Variants in EPB41L5 observed in about 807,000 individuals in gnomAD.
EPB41L5 encodes the protein erythrocyte membrane protein band 4.1 like 5.
Under a neutral mutation model 106.6 loss-of-function variants are expected in EPB41L5, and 55 were observed. That is an observed-to-expected ratio of 0.52 (90% CI 0.42 to 0.65). EPB41L5 has a LOEUF of 0.65. EPB41L5 is among the 30% of genes least tolerant of loss of function. EPB41L5 has a pLI of 0.00. For missense variants in EPB41L5, 871 were observed against 882.1 expected, an observed-to-expected ratio of 0.99 and a Z score of 0.16; for synonymous variants, 297 against 306.7, an observed-to-expected ratio of 0.97 and a Z score of 0.33.
At chr2:120,047,679 C>T (rs1167425479) in intron 3 of EPB41L5, among the ~76,000 whole-genome samples, 2 of 152,132 alleles carry the variant, frequency 1.3e-5, no homozygotes, top group African/African-American at 4.8e-5. Context: ...ATTGCCCTGG[C>T]CAGAACTTCC....
chr2:120,050,787 T>G (rs2105245601), intron 3 of EPB41L5, among the ~76,000 whole-genome samples: 1 of 152,304 alleles, frequency 6.6e-6, no homozygotes, highest in South Asian at 2.1e-4. Flanking sequence ...ATCTTTGTGG[T>G]TTTATCTACC....
At chr2:120,135,734 G>A (rs565092621) in intron 18 of EPB41L5, among the ~76,000 whole-genome samples, 16 of 152,186 alleles carry the variant, frequency 1.1e-4, no homozygotes, top group African/African-American at 3.9e-4. Flanking sequence ...TCCTAAAATA[G>A]TATATCCATG....
chr2:120,024,806 T>C (rs1222304014), intron 2 of EPB41L5, among the ~76,000 whole-genome samples: 1 of 152,094 alleles, frequency 6.6e-6, no homozygotes, highest in African/African-American at 2.4e-5. Flanking sequence ...TGGATTACGT[T>C]TATTGATTTG....
At chr2:120,172,661 A>AAGAT (rs937450679) in intron 24 of EPB41L5, among the ~76,000 whole-genome samples, 2 of 152,186 alleles carry the variant, frequency 1.3e-5, no homozygotes, top group African/African-American at 4.8e-5. Flanking sequence ...TCTAAAGTGG[A>AAGAT]AGATATGTTC....
At chr2:120,049,182 A>G (rs1006629038) in intron 3 of EPB41L5, among the ~76,000 whole-genome samples, 2 of 152,134 alleles carry the variant, frequency 1.3e-5, no homozygotes, top group East Asian at 1.9e-4. Flanking sequence ...TTAGGTCTGC[A>G]TGGTGCAGAG....
At chr2:120,063,981 A>G (rs1436775479) in intron 3 of EPB41L5, among the ~76,000 whole-genome samples, 1 of 151,984 alleles carries the variant, frequency 6.6e-6, no homozygotes, top group Non-Finnish European at 1.5e-5. Flanking sequence ...TCCTTAGAGC[A>G]TGCTAATAAT....
intron 3 of EPB41L5, among the ~76,000 whole-genome samples, chr2:120,071,233 G>T (rs529814134): frequency 6.6e-6 from 1 of 152,126 alleles, no homozygotes; most frequent in Non-Finnish European, 1.5e-5. Flanking sequence ...ATTCACAATT[G>T]CTACAAAGAG....
chr2:120,031,362 G>A (rs564883960), intron 2 of EPB41L5, among the ~76,000 whole-genome samples: 24 of 152,302 alleles, frequency 1.6e-4, no homozygotes, highest in African/African-American at 5.8e-4. Context: ...ACAATACCTT[G>A]ATGAACTTAA....
At chr2:120,050,971 T>C (rs1409556109) in intron 3 of EPB41L5, among the ~76,000 whole-genome samples, 1 of 152,148 alleles carries the variant, frequency 6.6e-6, no homozygotes, top group African/African-American at 2.4e-5. Context: ...TGCAGAACAG[T>C]GAATATTGCT....
In EPB41L5 at chr2:120,076,962, T is replaced by C. The variant is rs190163501; in HGVS notation, c.506-9T>C. ...AAATACATATAACTTTTGAAACTTA[T>C]GTTTATAGCTGAACTTGGTGACTAT... On this transcript the variant is annotated splice_polypyrimidine_tract_variant and intron_variant, in intron 7 of 24. Transcript: ENST00000263713. 7.8e-5 allele frequency: 123 copies of C among 1,576,986 alleles called. 1 individual carries two copies. The East Asian group carries it at 1.2e-3, about 16-fold the overall frequency.
chr2:120,114,329 T>C lies in EPB41L5; in HGVS notation c.1338-13359T>C, dbSNP rs1242871302. Among the ~76,000 whole-genome samples, 4 of 152,234 alleles carry C rather than the reference T, an allele frequency of 2.6e-5. No individual in the cohort carries two copies. In the East Asian group the frequency reaches 7.7e-4, roughly 29 times the overall value. On this transcript the variant is annotated intron_variant, in intron 16 of 24. Transcript: ENST00000263713. Reference sequence around the variant, plus strand: ...TGATGGTGTGAAACTGTTGTAATTTTGACATAATGTTGAAATTTGAATTTT... The same window carrying C: ...TGATGGTGTGAAACTGTTGTAATTTCGACATAATGTTGAAATTTGAATTTT...
chr2:120,118,561 C>T (rs1319007801), intron 16 of EPB41L5, among the ~76,000 whole-genome samples: 7 of 151,990 alleles, frequency 4.6e-5, no homozygotes, highest in African/African-American at 1.5e-4. Context: ...TCCTTGTGTC[C>T]GTGTGTTTGC....
intron 16 of EPB41L5, among the ~76,000 whole-genome samples, chr2:120,109,276 A>G (rs1246331076): frequency 3.9e-5 from 6 of 152,146 alleles, no homozygotes; most frequent in South Asian, 2.1e-4. Context: ...TGAGCCTTCA[A>G]TGCTCCCTGA....
In EPB41L5 at chr2:120,160,958, G is replaced by A; in HGVS notation, c.1871G>A (p.Ser624Asn). 6.2e-7 allele frequency: 1 copy of A among 1,613,716 alleles called. No homozygotes were observed. Among genetic ancestry groups the A allele is most frequent in the Middle Eastern group, 1.6e-4 (1 of 6,062 alleles). The stretch of plus-strand genomic sequence containing the variant: ...CTGATGCTTATCACACCTGCCGACA[G>A]TGGTTCTGTTCTAAAGGTAAGAATA... ...ETLMLITPAD[S>N]GSVLKEATDE... is the part of the protein sequence containing the mutation. Residue 624 changes from serine (S) to asparagine (N), a missense_variant, in exon 21 of 25, where the codon AGT becomes AAT. Coordinates refer to ENST00000263713, the MANE Select transcript of EPB41L5 (RefSeq NM_020909.4).
intron 2 of EPB41L5, among the ~76,000 whole-genome samples, chr2:120,037,711 A>G (rs760181114): frequency 1.5e-4 from 23 of 152,204 alleles, no homozygotes; most frequent in Non-Finnish European, 2.4e-4. Flanking sequence ...GACCAATGGA[A>G]TAGAATAGAG....
intron 10 of EPB41L5, among the ~76,000 whole-genome samples, chr2:120,079,932 C>G (rs1682524774): frequency 6.6e-6 from 1 of 152,046 alleles, no homozygotes; most frequent in Non-Finnish European, 1.5e-5. Flanking sequence ...TCTTTGTCCT[C>G]CCTGCCCCCG....
intron 3 of EPB41L5, among the ~76,000 whole-genome samples, chr2:120,050,623 G>A (rs1296881479): frequency 6.6e-6 from 1 of 152,188 alleles, no homozygotes; most frequent in African/African-American, 2.4e-5. Context: ...TTAGCTCGGA[G>A]AAGTTTGATC....
rs770985025 is a variant in EPB41L5, at chr2:120,174,798, ACCCCAGGGGTTC to A, written c.2136-40_2136-29del. The A allele has an allele frequency of 3.0e-5, 47 of 1,585,542 alleles. No homozygotes were observed. The East Asian group carries it at 1.0e-3, about 35-fold the overall frequency. On this transcript the variant is annotated intron_variant, in intron 24 of 24. Transcript: ENST00000263713. ...TGGAGACATGAATGTCCTCCTCCAAACCCCAGGGGTTCCCTGAGTAACCCATTCTCTCTTCCT... is the reference window on the plus strand; with the variant it reads ...TGGAGACATGAATGTCCTCCTCCAAACCTGAGTAACCCATTCTCTCTTCCT...
rs368444122 is a variant in EPB41L5, at chr2:120,077,044, G to A, written c.579G>A (p.Gln193=). The change falls in exon 8 of 25, where the codon CAG becomes CAA. Residue 193 remains glutamine (Q), a synonymous_variant. Transcript: ENST00000263713. ...LVSEFRFVPI[Q]TEEMELAIFE... is the part of the protein sequence containing the mutation. ...CAGAGTTCAGATTCGTGCCTATTCA[G>A]ACTGAAGAGATGGAACTGGCTATTT... 45 of 1,613,128 alleles carry A rather than the reference G, an allele frequency of 2.8e-5. No individual in the cohort carries two copies. In the Middle Eastern group the frequency reaches 4.9e-4, roughly 18 times the overall value.
Sources: allele counts gnomAD v4.1 joint callset (sites outside exome capture counted in the v4.1 genomes callset), GRCh38; gene constraint gnomAD v4.1.1; transcripts MANE v1.5; gene names NCBI Gene and HGNC (gene_info 2026-07-23, HGNC 2026-07-21).